CERK: variants seen among roughly 807,000 people sequenced by gnomAD.
CERK encodes the protein acylsphingosine kinase.
In CERK, 39 loss-of-function variants were observed where a neutral mutation model predicts 63.4. The observed-to-expected ratio is 0.61, with a 90% CI of 0.48 to 0.80. The LOEUF (loss-of-function observed/expected upper bound fraction) is 0.80, where lower values mean the gene tolerates loss of function less well. Among genes scored for constraint, CERK ranks in the 30% least tolerant of loss-of-function variants. The pLI, the probability that CERK is intolerant of heterozygous loss-of-function variation, is 0.00. For synonymous variants in CERK, 302 were observed against 280.0 expected (o/e 1.08, Z -0.78); for missense variants, 670 against 714.1 (o/e 0.94, Z 0.70).
In CERK at chr22:46,712,322, C is replaced by T. The variant is rs11912256; in HGVS notation, c.380-29G>A. The T allele has an allele frequency of 3.1e-3, 4,925 of 1,606,504 alleles. 137 individuals are homozygous for T. In the African/African-American group the frequency reaches 0.056, roughly 18 times the overall value. On this transcript the variant is annotated intron_variant, in intron 3 of 12. Coordinates refer to ENST00000216264, the MANE Select transcript of CERK (RefSeq NM_022766.6). ...TAAGACAACAACATGTAAATAACAA[C>T]GAAAATAACAAAATCAAAACGAAGA...
At chr22:46,696,350 C>G (rs952728985) in intron 8 of CERK, among the ~76,000 whole-genome samples, 14 of 152,178 alleles carry the variant, frequency 9.2e-5, no homozygotes, top group Non-Finnish European at 1.6e-4. Context: ...GCTCTGGCCT[C>G]TCTCCCTGCT....
In CERK at chr22:46,702,709, G is replaced by A. The variant is rs762326335; in HGVS notation, c.716-999C>T. 2.1e-4 allele frequency among the ~76,000 whole-genome samples: 32 copies of A among 152,260 alleles called. No homozygotes were observed. The East Asian group carries it at 2.5e-3, about 12-fold the overall frequency. On this transcript the variant is annotated intron_variant, in intron 6 of 12. Transcript: ENST00000216264. Reference sequence around the variant, plus strand: ...TCCCTGCTTCAGCCCGATGTTCCCCGTGAACGGGGCCGGCTGCGGCTTATG... The same window carrying A: ...TCCCTGCTTCAGCCCGATGTTCCCCATGAACGGGGCCGGCTGCGGCTTATG...
chr22:46,693,385 G>T, intron 10 of CERK, 42 bp downstream of exon 10: 1 of 1,546,428 alleles, frequency 6.5e-7, no homozygotes, highest in Non-Finnish European at 8.9e-7. Context: ...CCGCACTCCA[G>T]CACACACAGT....
intron 12 of CERK, among the ~76,000 whole-genome samples, chr22:46,689,688 T>C (rs1222967893): frequency 6.6e-6 from 1 of 152,046 alleles, no homozygotes; most frequent in Non-Finnish European, 1.5e-5. Context: ...AAGAGCCCAA[T>C]GCCAGCCTGG....
chr22:46,737,298 A>AAC (rs1023777487), intron 1 of CERK, among the ~76,000 whole-genome samples: 49 of 111,880 alleles, frequency 4.4e-4, no homozygotes, highest in African/African-American at 1.3e-3. Context: ...ACTCAAAAAA[A>AAC]AAAAAAAACA....
chr22:46,724,185 C>T (rs1601727484), intron 1 of CERK, among the ~76,000 whole-genome samples: 1 of 152,200 alleles, frequency 6.6e-6, no homozygotes, highest in Non-Finnish European at 1.5e-5. Context: ...CTTCCACTTA[C>T]CAGATAGTAA....
At chr22:46,700,241 A>C (rs990878124) in intron 7 of CERK, among the ~76,000 whole-genome samples, 2 of 150,370 alleles carry the variant, frequency 1.3e-5, no homozygotes, top group African/African-American at 4.9e-5. Flanking sequence ...TAAAAATACA[A>C]AATGAGCTGG....
chr22:46,690,148 G>A lies in CERK; in HGVS notation c.1385C>T (p.Ser462Leu), dbSNP rs753618098. 7.4e-6 allele frequency: 12 copies of A among 1,613,858 alleles called. No individual in the cohort carries two copies. Among genetic ancestry groups the A allele is most frequent in the East Asian group, 2.2e-5 (1 of 44,878 alleles). The change falls in exon 12 of 13, where the codon TCG becomes TTG. Residue 462 changes from serine to leucine, a missense_variant. By Grantham distance (145) the Ser-to-Leu change is moderately radical. Transcript: ENST00000216264. ...VYRVKKFQFT[S>L]KHMEDEDSDL... ...GCTGTCCTCATCCTCCATGTGCTTC[G>A]ACGTAAACTGGAATTTCTTGACGCG...
rs185824005 is a variant in CERK, at chr22:46,696,386, G to A, written c.944-1071C>T. 5.0e-4 allele frequency among the ~76,000 whole-genome samples: 76 copies of A among 152,286 alleles called. 1 individual carries two copies. The highest frequency in any genetic ancestry group is 1.4e-3 in the African/African-American group (58 of 41,566). ...CCTCCCATGGGGGTCCCACAAGGAC[G>A]TCGTGTCCACGGCCCTGGGAGGAGG... On this transcript the variant is annotated intron_variant, in intron 8 of 12. Coordinates refer to ENST00000216264, the MANE Select transcript of CERK (RefSeq NM_022766.6).
At chr22:46,703,328 A>G (rs990248521) in intron 6 of CERK, among the ~76,000 whole-genome samples, 1 of 151,816 alleles carries the variant, frequency 6.6e-6, no homozygotes, top group Non-Finnish European at 1.5e-5. Flanking sequence ...AGATCTCAGG[A>G]CCCCAACCCC....
At chr22:46,688,255 C>A (rs1216065326) in intron 12 of CERK, among the ~76,000 whole-genome samples, 1 of 152,168 alleles carries the variant, frequency 6.6e-6, no homozygotes, top group South Asian at 2.1e-4. Context: ...CACACACACA[C>A]AAATTATATT....
chr22:46,689,185 G>A (rs868003769), intron 12 of CERK, among the ~76,000 whole-genome samples: 3 of 152,182 alleles, frequency 2.0e-5, no homozygotes, highest in East Asian at 1.9e-4. Flanking sequence ...CCTCCAGCAC[G>A]GGGCGTCCCT....
In CERK at chr22:46,738,008, C is replaced by G. The variant is rs1156456760; in HGVS notation, c.141G>C (p.Ala47=). Residue 47 remains alanine, a splice_region_variant and synonymous_variant, in exon 1 of 13, where the codon GCG becomes GCC. Transcript: ENST00000216264. The part of the protein sequence containing the change: ...SPGPGAGAPG[A]DACSVPVSEI... Reference sequence around the variant, plus strand: ...AACCCGGGCGGCGGCGACACTCACCCGCGCCGGGGGCGCCGGCTCCGGGCC... The same window carrying G: ...AACCCGGGCGGCGGCGACACTCACCGGCGCCGGGGGCGCCGGCTCCGGGCC... 2 of 1,181,074 alleles carry G rather than the reference C, an allele frequency of 1.7e-6. No homozygotes were observed. The highest frequency in any genetic ancestry group is 2.1e-6 in the Non-Finnish European group (2 of 958,126). The allele number at this position is 1,181,074 out of a possible 1,614,324, so 73.2% of individuals were successfully genotyped here.
At chr22:46,735,752 C>T (rs1423937281) in intron 1 of CERK, among the ~76,000 whole-genome samples, 1 of 152,202 alleles carries the variant, frequency 6.6e-6, no homozygotes, top group Non-Finnish European at 1.5e-5. Flanking sequence ...GCAATGCCAC[C>T]TTGCTGACCA....
At chr22:46,731,882 G>T (rs371970058) in intron 1 of CERK, among the ~76,000 whole-genome samples, 3 of 151,788 alleles carry the variant, frequency 2.0e-5, no homozygotes, top group South Asian at 2.1e-4. Flanking sequence ...ACGGGCCAAC[G>T]GCACTGGAGA....
In CERK at chr22:46,686,932, T is replaced by C. The variant is rs2082704445; in HGVS notation, c.*202A>G. 3.7e-6 allele frequency: 2 copies of C among 547,496 alleles called. No homozygotes were observed. Among genetic ancestry groups the C allele is most frequent in the South Asian group, 2.3e-5 (1 of 43,350 alleles). The allele number at this position is 547,496 out of a possible 1,614,324, so 33.9% of individuals were successfully genotyped here. A position where few individuals can be genotyped will look rare whatever the true frequency, so the allele number is the denominator to read the frequency against. ...TCCGCTGAGAGTAAGCGGCGTGGGC[T>C]GCAACCCGCAGATGCGTACAGAACT... On this transcript the variant is annotated 3_prime_UTR_variant, in exon 13 of 13. Coordinates refer to ENST00000216264, the MANE Select transcript of CERK (RefSeq NM_022766.6).
In CERK at chr22:46,702,096, G is replaced by A. The variant is rs550510859; in HGVS notation, c.716-386C>T. ...CTCAGGAGGCTAAAGCAGGAGAATC[G>A]CTTGATCCCGGGAGGCAAAGGCTGC... On this transcript the variant is annotated intron_variant, in intron 6 of 12. Transcript: ENST00000216264. Among the ~76,000 whole-genome samples, 334 of 149,058 alleles carry A rather than the reference G, an allele frequency of 2.2e-3. 3 individuals are homozygous for A. The highest frequency in any genetic ancestry group is 3.5e-3 in the Middle Eastern group (1 of 284).
chr22:46,699,334 G>A lies in CERK; in HGVS notation c.922C>T (p.Leu308Phe), dbSNP rs1257794000. ...TTACCTGAAAAGTCGTATCTGGCAAGACCCAACCACCGTTTCTTCTCACTG... is the reference window on the plus strand; with the variant it reads ...TTACCTGAAAAGTCGTATCTGGCAAAACCCAACCACCGTTTCTTCTCACTG... ...KDSEKKRWLG[L>F]ARYDFSGLKT... is the part of the protein sequence containing the mutation. Residue 308 changes from leucine (L) to phenylalanine (F), a missense_variant, in exon 8 of 13, where the codon CTT (leucine) becomes TTT (phenylalanine). Leu to Phe is a conservative substitution (Grantham distance 22). Transcript: ENST00000216264. 3 of 1,614,178 alleles carry A rather than the reference G, an allele frequency of 1.9e-6. No homozygotes were observed. In the Admixed American group the frequency reaches 5.0e-5, roughly 27 times the overall value.
At position 46,714,040 on chromosome 22, in the gene CERK, GT is replaced by G. The variant is rs2082855964; in HGVS notation, c.380-1748del. On this transcript the variant is annotated intron_variant, in intron 3 of 12. Transcript: ENST00000216264. The surrounding 1 kb of genome is among the most constrained non-coding windows in gnomAD (Gnocchi z 4.4). ...AATCCCAACACTTTGGGAGGCCGAGGTGGGCAGATCACTTGAGGTCAGGTGT... is the reference window on the plus strand; with the variant it reads ...AATCCCAACACTTTGGGAGGCCGAGGGGGCAGATCACTTGAGGTCAGGTGT... 1.3e-5 allele frequency among the ~76,000 whole-genome samples: 2 copies of G among 152,228 alleles called. No homozygotes were observed. The highest frequency in any genetic ancestry group is 2.9e-5 in the Non-Finnish European group (2 of 68,046).
Sources: allele counts gnomAD v4.1 joint callset (sites outside exome capture counted in the v4.1 genomes callset), GRCh38; gene constraint gnomAD v4.1.1; non-coding constraint Gnocchi (gnomAD v3.1); transcripts MANE v1.5; gene names NCBI Gene and HGNC (gene_info 2026-07-23, HGNC 2026-07-21).